Variants in PLGRKT observed in about 807,000 individuals in gnomAD.
The protein encoded by PLGRKT is plasminogen receptor (KT).
In PLGRKT, 22 loss-of-function variants were observed where a neutral mutation model predicts 18.5. The observed-to-expected ratio is 1.19, with a 90% CI of 0.85 to 1.70. The LOEUF (loss-of-function observed/expected upper bound fraction) is 1.70, where lower values mean the gene tolerates loss of function less well. Ranked by LOEUF, PLGRKT falls within the 40% of genes most tolerant of loss-of-function variation. The probability of loss-of-function intolerance (pLI) is 0.00; values close to 1 mark genes in which losing one functional copy is unlikely to be tolerated. For missense variants in PLGRKT, 235 were observed against 174.4 expected (o/e 1.35, Z -1.96); for synonymous variants, 72 against 52.8 (o/e 1.36, Z -1.58).
intron 3 of PLGRKT, among the ~76,000 whole-genome samples, chr9:5,405,245 T>C (rs1444911556): frequency 6.6e-6 from 1 of 152,152 alleles, no homozygotes; most frequent in African/African-American, 2.4e-5. Context: ...TTCACAGAAT[T>C]AGAAAAAAGT....
chr9:5,413,969 C>T (rs896466735), intron 3 of PLGRKT, among the ~76,000 whole-genome samples: 3 of 152,102 alleles, frequency 2.0e-5, no homozygotes, highest in East Asian at 3.9e-4. Context: ...ACCCTTCACA[C>T]ATGAGAGAAG....
At chr9:5,431,827 G>T in intron 3 of PLGRKT, 70 bp downstream of exon 3, 1 of 743,286 alleles carries the variant, frequency 1.3e-6, no homozygotes, top group East Asian at 2.5e-5. Flanking sequence ...GAGAATGTAC[G>T]GCTGGAGTAC....
At chr9:5,391,166 A>C (rs2131110170) in intron 3 of PLGRKT, among the ~76,000 whole-genome samples, 1 of 152,066 alleles carries the variant, frequency 6.6e-6, no homozygotes, top group South Asian at 2.1e-4. Context: ...AGCATCATTA[A>C]CTTTATCTAA....
chr9:5,435,320 C>CTAA (rs1818937985), intron 2 of PLGRKT, among the ~76,000 whole-genome samples: 1 of 46,912 alleles, frequency 2.1e-5, no homozygotes, highest in Admixed American at 2.2e-4. Context: ...TCAATAAATA[C>CTAA]TAAAAAAAAA....
intron 3 of PLGRKT, among the ~76,000 whole-genome samples, chr9:5,415,288 A>T (rs918934607): frequency 6.6e-6 from 1 of 152,248 alleles, no homozygotes. Context: ...TTTATAACCC[A>T]TAGAGTAAAA....
intron 3 of PLGRKT, among the ~76,000 whole-genome samples, chr9:5,415,342 A>G (rs1818440395): frequency 6.6e-6 from 1 of 152,240 alleles, no homozygotes; most frequent in Non-Finnish European, 1.5e-5. Context: ...ATAAATAAAC[A>G]CACAAAGAAG....
rs1048251586 is a variant in PLGRKT at position 5,424,565 on chromosome 9, T to C, written c.81+7332A>G. ...ATGTTAATATGTTTATATAATACAA[T>C]ATAATATATATTACTTATTATATTA... On this transcript the variant is annotated intron_variant, in intron 3 of 5. Transcript: ENST00000223864. Among the ~76,000 whole-genome samples, 5 of 132,818 alleles carry C rather than the reference T, an allele frequency of 3.8e-5. No individual in the cohort carries two copies. The East Asian group carries it at 7.9e-4, about 21-fold the overall frequency. The allele number at this position is 132,818 out of a possible 152,430, so 87.1% of individuals were successfully genotyped here.
intron 3 of PLGRKT, among the ~76,000 whole-genome samples, chr9:5,407,870 C>A (rs573461924): frequency 6.6e-6 from 1 of 152,112 alleles, no homozygotes; most frequent in African/African-American, 2.4e-5. Context: ...TTAATTGCAT[C>A]TGTAACTATG....
chr9:5,370,647 T>C (rs984003857), intron 3 of PLGRKT, among the ~76,000 whole-genome samples: 1 of 152,246 alleles, frequency 6.6e-6, no homozygotes, highest in Non-Finnish European at 1.5e-5. Context: ...CAAAAGGTCA[T>C]GTAGACCTGT....
At position 5,418,129 on chromosome 9, in the gene PLGRKT, T is replaced by C. The variant is rs1436693699; in HGVS notation, c.81+13768A>G. ...TCCATTGAATACATGATTATGAGGA[T>C]GCATGCAATCATCTTCAAAGCTGTT... On this transcript the variant is annotated intron_variant, in intron 3 of 5. Transcript: ENST00000223864. This position sits in a 1 kb window ranked among gnomAD's most constrained non-coding sequence, Gnocchi z 4.2. Among the ~76,000 whole-genome samples, 1 of 152,206 alleles carries C rather than the reference T, an allele frequency of 6.6e-6. No homozygotes were observed. Among genetic ancestry groups the C allele is most frequent in the East Asian group, 1.9e-4 (1 of 5,204 alleles).
chr9:5,391,027 G>C (rs1246783103), intron 3 of PLGRKT, among the ~76,000 whole-genome samples: 2 of 151,832 alleles, frequency 1.3e-5, no homozygotes. Context: ...CAAAGCAGCA[G>C]GATTTTCTAA....
chr9:5,414,949 C>T (rs991404653), intron 3 of PLGRKT, among the ~76,000 whole-genome samples: 4 of 152,180 alleles, frequency 2.6e-5, no homozygotes, highest in African/African-American at 9.7e-5. Flanking sequence ...GAAATAAATA[C>T]AGATGTGTGT....
chr9:5,432,305 A>C (rs1223842447), intron 2 of PLGRKT, among the ~76,000 whole-genome samples: 3 of 152,224 alleles, frequency 2.0e-5, no homozygotes, highest in African/African-American at 7.2e-5. Flanking sequence ...TGAATTCTTG[A>C]AGAAAAAAAC....
intron 3 of PLGRKT, among the ~76,000 whole-genome samples, chr9:5,379,699 G>A (rs1817700189): frequency 1.3e-5 from 2 of 152,112 alleles, no homozygotes; most frequent in African/African-American, 2.4e-5. Flanking sequence ...TTCATTTGTA[G>A]TAGAAAAATA....
chr9:5,385,575 T>C (rs897366540), intron 3 of PLGRKT, among the ~76,000 whole-genome samples: 1 of 151,814 alleles, frequency 6.6e-6, no homozygotes, highest in Non-Finnish European at 1.5e-5. Context: ...TCACTTTCCT[T>C]TCCCAGTGGC....
intron 3 of PLGRKT, among the ~76,000 whole-genome samples, chr9:5,429,569 T>C (rs1446262243): frequency 1.3e-5 from 2 of 152,230 alleles, no homozygotes; most frequent in African/African-American, 4.8e-5. Context: ...CATATTCACA[T>C]TGTATGGTCC....
At chr9:5,365,958 A>C (rs1817376313) in intron 3 of PLGRKT, among the ~76,000 whole-genome samples, 1 of 152,196 alleles carries the variant, frequency 6.6e-6, no homozygotes, top group Admixed American at 6.5e-5. Flanking sequence ...TATCTGTGAT[A>C]AACTATGGGC....
chr9:5,436,959 CTT>C lies in PLGRKT; in HGVS notation c.-132-267_-132-266del, dbSNP rs754998858. 2.4e-3 allele frequency among the ~76,000 whole-genome samples: 358 copies of C among 152,188 alleles called. 7 individuals carry two copies. The highest frequency in any genetic ancestry group is 4.3e-4 in the Non-Finnish European group (29 of 67,948). Reference sequence around the variant, plus strand: ...GTTAAGTCTTTTAAAAATTCTAACACTTTTCACCAGGGGTAAAAAAAAATGTC... The same window carrying C: ...GTTAAGTCTTTTAAAAATTCTAACACTTCACCAGGGGTAAAAAAAAATGTC... On this transcript the variant is annotated intron_variant, in intron 1 of 5. Coordinates refer to ENST00000223864, the MANE Select transcript of PLGRKT (RefSeq NM_018465.4).
At chr9:5,429,126 G>A (rs1818763861) in intron 3 of PLGRKT, among the ~76,000 whole-genome samples, 1 of 152,188 alleles carries the variant, frequency 6.6e-6, no homozygotes, top group African/African-American at 2.4e-5. Flanking sequence ...ACTGTGATGT[G>A]TGTCAACACT....
Sources: allele counts gnomAD v4.1 joint callset (sites outside exome capture counted in the v4.1 genomes callset), GRCh38; gene constraint gnomAD v4.1.1; non-coding constraint Gnocchi (gnomAD v3.1); transcripts MANE v1.5; gene names NCBI Gene and HGNC (gene_info 2026-07-23, HGNC 2026-07-21).